PIEZO2: variants seen among roughly 807,000 people sequenced by gnomAD.
PIEZO2 encodes piezo type mechanosensitive ion channel component 2.
Under a neutral mutation model 337.3 loss-of-function variants are expected in PIEZO2, and 172 were observed. The observed-to-expected ratio is 0.51, with a 90% CI of 0.45 to 0.58. The LOEUF (loss-of-function observed/expected upper bound fraction) is 0.58, where lower values mean the gene tolerates loss of function less well. Ranked by LOEUF, PIEZO2 falls within the 20% of genes least tolerant of loss-of-function variation. The pLI is 0.00. For synonymous variants in PIEZO2, 1,251 were observed against 1,228.5 expected (o/e 1.02, Z -0.38); for missense variants, 3,028 against 3,391.3 (o/e 0.89, Z 2.66).
At chr18:11,005,558 A>C (rs1876371) in intron 2 of PIEZO2, among the ~76,000 whole-genome samples, 19,851 of 152,190 alleles carry the variant, frequency 0.13, 1,632 homozygotes, top group Middle Eastern at 0.22. Context: ...GGGTGCTCAT[A>C]ACAGACAGGT....
At position 11,104,724 on chromosome 18, in the gene PIEZO2, G is replaced by A. The variant is rs73943203; in HGVS notation, c.65-38502C>T. On this transcript the variant is annotated intron_variant, in intron 1 of 55. Transcript: ENST00000674853. The surrounding 1 kb of genome is among the most constrained non-coding windows in gnomAD (Gnocchi z 4.6). ...TGCCATGAACATGCAGGGCAGGCAA[G>A]AAATTAACCTTTGTTGTTGCAAAGC... Among the ~76,000 whole-genome samples, 4,741 of 152,336 alleles carry A rather than the reference G, an allele frequency of 0.031. 224 individuals carry two copies. The highest frequency in any genetic ancestry group is 0.11 in the African/African-American group (4,448 of 41,562).
Position 10,982,051 on chromosome 18 carries a change from T to C in PIEZO2, c.161-2391A>G, listed in dbSNP as rs2034686931. On this transcript the variant is annotated intron_variant, in intron 2 of 55. Coordinates refer to ENST00000674853, the MANE Select transcript of PIEZO2 (RefSeq NM_001378183.1). This position sits in a 1 kb window ranked among gnomAD's most constrained non-coding sequence, Gnocchi z 4.1. ...CAGGCCCCACCTTTAGCATTGGGGG[T>C]CAAATTTCAACATGAGACCTGTTGA... 6.6e-6 allele frequency among the ~76,000 whole-genome samples: 1 copy of C among 152,032 alleles called. No individual in the cohort carries two copies. The highest frequency in any genetic ancestry group is 1.5e-5 in the Non-Finnish European group (1 of 68,016).
chr18:11,052,897 C>T (rs981889271), intron 2 of PIEZO2, among the ~76,000 whole-genome samples: 5 of 152,356 alleles, frequency 3.3e-5, no homozygotes, highest in Non-Finnish European at 7.3e-5. Flanking sequence ...GTTCCCAGAG[C>T]CTGGTGATGT....
intron 2 of PIEZO2, among the ~76,000 whole-genome samples, chr18:11,060,870 C>A (rs1462349077): frequency 2.4e-5 from 2 of 84,652 alleles, no homozygotes; most frequent in Admixed American, 1.6e-4. Context: ...CTATTCCAAT[C>A]AATAGAAAAG....
intron 2 of PIEZO2, among the ~76,000 whole-genome samples, chr18:11,043,117 G>A (rs887632008): frequency 1.3e-5 from 2 of 152,054 alleles, no homozygotes; most frequent in Non-Finnish European, 2.9e-5. Context: ...ATGAACACTT[G>A]GTAGAGTAGA....
rs1045160282 is a variant in PIEZO2, at chr18:10,750,203, G to A, written c.4168-16C>T. Reference sequence around the variant, plus strand: ...ATGCTCCTATCTGAAAAACAAAAGAGGGGGATAATCCTGAAGCTCTGCAGC... The same window carrying A: ...ATGCTCCTATCTGAAAAACAAAAGAAGGGGATAATCCTGAAGCTCTGCAGC... On this transcript the variant is annotated splice_polypyrimidine_tract_variant and intron_variant, in intron 28 of 55. Coordinates refer to ENST00000674853, the MANE Select transcript of PIEZO2 (RefSeq NM_001378183.1). This position sits in a 1 kb window ranked among gnomAD's most constrained non-coding sequence, Gnocchi z 4.1. 1.3e-6 allele frequency: 2 copies of A among 1,518,448 alleles called. No individual in the cohort carries two copies. The highest frequency in any genetic ancestry group is 1.2e-5 in the South Asian group (1 of 83,656). The allele number at this position is 1,518,448 out of a possible 1,614,324, so 94.1% of individuals were successfully genotyped here. A position where few individuals can be genotyped will look rare whatever the true frequency, so the allele number is the denominator to read the frequency against.
Position 10,692,727 on chromosome 18 carries a change from G to A in PIEZO2, c.7191-1344C>T, listed in dbSNP as rs995707930. Among the ~76,000 whole-genome samples, 13 of 152,222 alleles carry A rather than the reference G, an allele frequency of 8.5e-5. No individual in the cohort carries two copies. The South Asian group carries it at 1.0e-3, about 12-fold the overall frequency. Reference sequence around the variant, plus strand: ...TCTGTTCTGTTCCATTGTTCTGTTCGTCTGAATCTTGAGGCTACACCTCAC... The same window carrying A: ...TCTGTTCTGTTCCATTGTTCTGTTCATCTGAATCTTGAGGCTACACCTCAC... On this transcript the variant is annotated intron_variant, in intron 47 of 55. Transcript: ENST00000674853.
intron 7 of PIEZO2, among the ~76,000 whole-genome samples, chr18:10,851,684 A>T (rs571324342): frequency 1.6e-4 from 24 of 152,334 alleles, no homozygotes; most frequent in African/African-American, 4.1e-4. Context: ...ATTTAAAAAA[A>T]TTTTCATTAA....
At chr18:10,884,992 A>G (rs953037933) in intron 4 of PIEZO2, among the ~76,000 whole-genome samples, 2 of 152,100 alleles carry the variant, frequency 1.3e-5, no homozygotes, top group African/African-American at 4.8e-5. Flanking sequence ...CATTTTGCCA[A>G]GCCCTAGGCT....
intron 30 of PIEZO2, among the ~76,000 whole-genome samples, chr18:10,747,795 T>C (rs759392378): frequency 6.6e-6 from 1 of 152,122 alleles, no homozygotes; most frequent in Non-Finnish European, 1.5e-5. Flanking sequence ...GAACTTCGAG[T>C]CAAATGATAG....
intron 1 of PIEZO2, among the ~76,000 whole-genome samples, chr18:11,091,396 A>G (rs2039087120): frequency 1.3e-5 from 2 of 151,398 alleles, no homozygotes; most frequent in African/African-American, 4.8e-5. Context: ...AAAAAAAAAA[A>G]AAAGAAAAAA....
chr18:10,758,001 T>G lies in PIEZO2; in HGVS notation c.3891A>C (p.Gln1297His), dbSNP rs1253472998. 6.5e-7 allele frequency: 1 copy of G among 1,536,828 alleles called. No homozygotes were observed. The highest frequency in any genetic ancestry group is 2.0e-5 in the Admixed American group (1 of 50,934). Residue 1297 changes from glutamine (Q) to histidine (H), a missense_variant, in exon 27 of 56, where the codon CAA becomes CAC. Physicochemically the swap from Gln to His is conservative, Grantham distance 24. Around this residue, in one of 5 missense-constraint regions of PIEZO2, gnomAD observed 1,925 missense variants for 2,051.9 expected, o/e 0.94. Transcript: ENST00000674853. ...CMNLDAASFS[Q>H]HNPVPDFIHC... ...GAATAAAATCTGGCACAGGGTTATG[T>G]TGGCTGAAGGAGGCCGCATCAAGGT...
Position 10,707,645 on chromosome 18 carries a change from T to G in PIEZO2, c.5588+630A>C, listed in dbSNP as rs2143808118. 6.6e-6 allele frequency among the ~76,000 whole-genome samples: 1 copy of G among 152,306 alleles called. No homozygotes were observed. The highest frequency in any genetic ancestry group is 2.1e-4 in the South Asian group (1 of 4,820). Reference sequence around the variant, plus strand: ...AATTTTATTTCTAAATGAATACTGTTTTAGGGTAGGATTTGGGAGAACTTA... The same window carrying G: ...AATTTTATTTCTAAATGAATACTGTGTTAGGGTAGGATTTGGGAGAACTTA... On this transcript the variant is annotated intron_variant, in intron 40 of 55. Transcript: ENST00000674853. This position sits in a 1 kb window ranked among gnomAD's most constrained non-coding sequence, Gnocchi z 4.2.
chr18:10,699,745 C>T (rs563133147), intron 43 of PIEZO2, among the ~76,000 whole-genome samples: 8 of 152,290 alleles, frequency 5.3e-5, no homozygotes, highest in African/African-American at 1.7e-4. Context: ...AAGATGGAGA[C>T]AGATAGCTTT....
At position 10,943,723 on chromosome 18, in the gene PIEZO2, T is replaced by A. The variant is rs183263063; in HGVS notation, c.287-32495A>T. ...TGGGAAGGCATGATTGGTTTTGAAATGTGAAGATATGAGATTTGGGAGGGG... is the reference window on the plus strand; with the variant it reads ...TGGGAAGGCATGATTGGTTTTGAAAAGTGAAGATATGAGATTTGGGAGGGG... On this transcript the variant is annotated intron_variant, in intron 3 of 55. Coordinates refer to ENST00000674853, the MANE Select transcript of PIEZO2 (RefSeq NM_001378183.1). This position sits in a 1 kb window ranked among gnomAD's most constrained non-coding sequence, Gnocchi z 4.5. 2.0e-3 allele frequency among the ~76,000 whole-genome samples: 298 copies of A among 152,194 alleles called. 1 individual carries two copies. Among genetic ancestry groups the A allele is most frequent in the African/African-American group, 7.0e-3 (291 of 41,502 alleles).
In PIEZO2 at chr18:10,677,191, C is replaced by T. The variant is rs1270894224; in HGVS notation, c.8081+556G>A. Reference sequence around the variant, plus strand: ...GAGCTCCCTGTAGCCTGGCACCATACAAACCCTCATTCATTTGTTTTTTAT... The same window carrying T: ...GAGCTCCCTGTAGCCTGGCACCATATAAACCCTCATTCATTTGTTTTTTAT... On this transcript the variant is annotated intron_variant, in intron 53 of 55. Coordinates refer to ENST00000674853, the MANE Select transcript of PIEZO2 (RefSeq NM_001378183.1). The surrounding 1 kb of genome is among the most constrained non-coding windows in gnomAD (Gnocchi z 4.1). Among the ~76,000 whole-genome samples, 1 of 152,180 alleles carries T rather than the reference C, an allele frequency of 6.6e-6. No individual in the cohort carries two copies. The highest frequency in any genetic ancestry group is 2.1e-4 in the South Asian group (1 of 4,830).
At position 11,001,331 on chromosome 18, in the gene PIEZO2, T is replaced by C. The variant is rs566083604; in HGVS notation, c.161-21671A>G. 1.1e-4 allele frequency among the ~76,000 whole-genome samples: 16 copies of C among 152,266 alleles called. No individual in the cohort carries two copies. Among genetic ancestry groups the C allele is most frequent in the African/African-American group, 3.9e-4 (16 of 41,552 alleles). On this transcript the variant is annotated intron_variant, in intron 2 of 55. Coordinates refer to ENST00000674853, the MANE Select transcript of PIEZO2 (RefSeq NM_001378183.1). The surrounding 1 kb of genome is among the most constrained non-coding windows in gnomAD (Gnocchi z 5.3). Reference sequence around the variant, plus strand: ...GTAGAGAAGGCCAAAAGTCAGCACATCTTGCTAGGCATGCACCACCGAAAA... The same window carrying C: ...GTAGAGAAGGCCAAAAGTCAGCACACCTTGCTAGGCATGCACCACCGAAAA...
At chr18:10,737,295 AAAC>A (rs2037042544) in intron 33 of PIEZO2, among the ~76,000 whole-genome samples, 1 of 147,244 alleles carries the variant, frequency 6.8e-6, no homozygotes, top group Non-Finnish European at 1.5e-5. Context: ...GAAAAAAAAA[AAAC>A]AAAAAAACAC....
At chr18:11,022,770 ATTT>A (rs2036360967) in intron 2 of PIEZO2, among the ~76,000 whole-genome samples, 1 of 152,170 alleles carries the variant, frequency 6.6e-6, no homozygotes, top group Non-Finnish European at 1.5e-5. Flanking sequence ...ACTCTAGGCT[ATTT>A]TGTCCAGAAT....
Sources: allele counts gnomAD v4.1 joint callset (sites outside exome capture counted in the v4.1 genomes callset), GRCh38; gene constraint gnomAD v4.1.1; regional missense constraint gnomAD v4.1.1; non-coding constraint Gnocchi (gnomAD v3.1); transcripts MANE v1.5; gene names NCBI Gene and HGNC (gene_info 2026-07-23, HGNC 2026-07-21).